IFT52: variants seen among roughly 807,000 people sequenced by gnomAD.
IFT52 encodes the protein intraflagellar transport 52.
IFT52 carries 44 observed loss-of-function variants against 54.4 expected under a neutral mutation model. The ratio of observed to expected loss-of-function variants is 0.81; its 90% CI spans 0.63 to 1.04. The LOEUF (loss-of-function observed/expected upper bound fraction) is 1.04, where lower values mean the gene tolerates loss of function less well. Among genes scored for constraint, IFT52 ranks in the 50% least tolerant of loss-of-function variants. The probability of loss-of-function intolerance (pLI) is 0.00; values close to 1 mark genes in which losing one functional copy is unlikely to be tolerated. For missense variants in IFT52, 452 were observed against 523.6 expected, an observed-to-expected ratio of 0.86 and a Z score of 1.33; for synonymous variants, 181 against 185.3, an observed-to-expected ratio of 0.98 and a Z score of 0.19.
intron 7 of IFT52, among the ~76,000 whole-genome samples, chr20:43,614,809 CTTT>C (rs1037730877): frequency 4.4e-5 from 6 of 134,936 alleles, no homozygotes; most frequent in Non-Finnish European, 4.8e-5. Context: ...CTTTCTTTTT[CTTT>C]TTTTTTTTTT....
At chr20:43,613,520 G>A (rs1022404491) in intron 6 of IFT52, among the ~76,000 whole-genome samples, 1 of 152,108 alleles carries the variant, frequency 6.6e-6, no homozygotes, top group Non-Finnish European at 1.5e-5. Flanking sequence ...CGTGGCACAC[G>A]CCTGTAATCC....
chr20:43,644,863 T>C (rs1986120097), intron 13 of IFT52, among the ~76,000 whole-genome samples: 1 of 56,894 alleles, frequency 1.8e-5, no homozygotes, highest in African/African-American at 5.1e-5. Context: ...TCCCAACACT[T>C]TGGGAGGCTG....
intron 7 of IFT52, among the ~76,000 whole-genome samples, chr20:43,615,105 A>T (rs973656869): frequency 6.6e-6 from 1 of 151,936 alleles, no homozygotes; most frequent in African/African-American, 2.4e-5. Context: ...TCTGTTGCCC[A>T]GGCTGGAGTG....
chr20:43,635,644 A>G (rs1985478433), intron 10 of IFT52, among the ~76,000 whole-genome samples: 2 of 151,968 alleles, frequency 1.3e-5, no homozygotes, highest in African/African-American at 4.8e-5. Context: ...TATGTACCAC[A>G]TTTTCTTTAT....
At chr20:43,595,904 A>G (rs1486624522) in intron 2 of IFT52, among the ~76,000 whole-genome samples, 1 of 152,258 alleles carries the variant, frequency 6.6e-6, no homozygotes, top group Admixed American at 6.5e-5. Flanking sequence ...AATTAAAAAA[A>G]AAATGTCTTT....
At chr20:43,614,481 G>A (rs6073151) in intron 7 of IFT52, among the ~76,000 whole-genome samples, 116,448 of 151,676 alleles carry the variant, frequency 0.77, 44,938 homozygotes, top group East Asian at 0.8. Context: ...CTGCCTCGTG[G>A]TCCACCCGCC....
intron 7 of IFT52, among the ~76,000 whole-genome samples, chr20:43,616,273 A>G (rs1337341733): frequency 6.6e-6 from 1 of 152,120 alleles, no homozygotes; most frequent in Admixed American, 6.6e-5. Flanking sequence ...TTGGGAGGTC[A>G]AGGCGGGCAA....
chr20:43,622,762 TAC>T lies in IFT52; in HGVS notation c.769-1127_769-1126del, dbSNP rs1984420532. ...ATATTTTTATGTAAATATAAATATA[TAC>T]AAATTGTGTGTAAATATAAATATAT... is the stretch of plus-strand genomic sequence containing the variant. On this transcript the variant is annotated intron_variant, in intron 9 of 13. Transcript: ENST00000373030. Among the ~76,000 whole-genome samples the T allele has an allele frequency of 1.3e-4, 7 of 55,092 alleles. 2 individuals carry two copies. Among genetic ancestry groups the T allele is most frequent in the Admixed American group, 4.4e-4 (3 of 6,810 alleles). 36.1% of individuals were successfully genotyped at this position (55,092 alleles called of 152,430 possible).
At position 43,605,297 on chromosome 20, in the gene IFT52, G is replaced by A. The variant is rs570189161; in HGVS notation, c.485+224G>A. On this transcript the variant is annotated intron_variant, in intron 6 of 13. Coordinates refer to ENST00000373030, the MANE Select transcript of IFT52 (RefSeq NM_016004.5). ...ATGGTGGCTCACGCCTGTAATCCTA[G>A]CACTTTTGGGAGGCCGAGGTGGGTG... The A allele has an allele frequency of 1.4e-4, 168 of 1,195,390 alleles. 2 individuals are homozygous for A. In the South Asian group the frequency reaches 2.6e-3, roughly 19 times the overall value. The allele number at this position is 1,195,390 out of a possible 1,614,324, so 74.0% of individuals were successfully genotyped here.
chr20:43,605,237 C>T (rs1982769886), intron 6 of IFT52, 164 bp downstream of exon 6: 21 of 1,413,322 alleles, frequency 1.5e-5, no homozygotes, highest in Non-Finnish European at 1.8e-5. Context: ...GCTCCTCCCC[C>T]TGAAGGTAGT....
intron 10 of IFT52, among the ~76,000 whole-genome samples, chr20:43,631,997 C>G (rs1435943635): frequency 6.6e-6 from 1 of 151,732 alleles, no homozygotes; most frequent in Non-Finnish European, 1.5e-5. Context: ...ACGATCTCCG[C>G]TCACCACAAC....
At chr20:43,594,136 C>T (rs1034805557) in intron 1 of IFT52, among the ~76,000 whole-genome samples, 4 of 151,840 alleles carry the variant, frequency 2.6e-5, no homozygotes, top group Non-Finnish European at 4.4e-5. Flanking sequence ...GGTGAAACCC[C>T]GTCTCTACTG....
intron 10 of IFT52, among the ~76,000 whole-genome samples, chr20:43,632,554 C>T (rs1475487692): frequency 6.6e-6 from 1 of 152,194 alleles, no homozygotes; most frequent in Non-Finnish European, 1.5e-5. Context: ...AGCCCCTGCA[C>T]TCGGCCAGTT....
chr20:43,646,713 T>TA (rs1355566131), intron 13 of IFT52, among the ~76,000 whole-genome samples: 1 of 152,132 alleles, frequency 6.6e-6, no homozygotes, highest in African/African-American at 2.4e-5. Context: ...CTCTGTTTGT[T>TA]ACTCATCATG....
Position 43,604,211 on chromosome 20 carries a change from A to G in IFT52, c.366A>G (p.Lys122=), listed in dbSNP as rs755132633. 6.2e-7 allele frequency: 1 copy of G among 1,610,806 alleles called. No homozygotes were observed. Among genetic ancestry groups the G allele is most frequent in the East Asian group, 2.2e-5 (1 of 44,860 alleles). Reference sequence around the variant, plus strand: ...CTGTGGTTAGAAATGTATATCACAAATATTTCCATCCTAAAGAAGCTCTAG... The same window carrying G: ...CTGTGGTTAGAAATGTATATCACAAGTATTTCCATCCTAAAGAAGCTCTAG... ...NDAVVRNVYH[K]YFHPKEALVS... Residue 122 remains lysine, a synonymous_variant, in exon 5 of 14, where the codon AAA becomes AAG. Transcript: ENST00000373030.
At chr20:43,641,331 G>T (rs769161683) in intron 12 of IFT52, among the ~76,000 whole-genome samples, 3 of 151,596 alleles carry the variant, frequency 2.0e-5, no homozygotes, top group African/African-American at 7.3e-5. Context: ...TCTGCCTCCC[G>T]GGTTCAAGCG....
At chr20:43,591,248 C>T (rs1453813738) in intron 1 of IFT52, among the ~76,000 whole-genome samples, 194 bp downstream of exon 1, 1 of 152,210 alleles carries the variant, frequency 6.6e-6, no homozygotes, top group Non-Finnish European at 1.5e-5. Flanking sequence ...TCCACGGCCT[C>T]GGGTGGTGCA....
In IFT52 at chr20:43,624,060, G is replaced by C; in HGVS notation, c.923+15G>C. The C allele has an allele frequency of 1.9e-6, 3 of 1,612,876 alleles. No homozygotes were observed. Among genetic ancestry groups the C allele is most frequent in the Non-Finnish European group, 2.5e-6 (3 of 1,179,196 alleles). On this transcript the variant is annotated intron_variant, in intron 10 of 13. Coordinates refer to ENST00000373030, the MANE Select transcript of IFT52 (RefSeq NM_016004.5). ...AGCGTCATCGAGTCAGTACCTGTGG[G>C]CCTCTGAGCCACACTGCACTCCATT...
At chr20:43,624,177 A>C (rs1984553214) in intron 10 of IFT52, 132 bp downstream of exon 10, 1 of 981,756 alleles carries the variant, frequency 1.0e-6, no homozygotes, top group South Asian at 1.6e-5. Context: ...ATCTATGATG[A>C]GGTCAACAAA....
Sources: allele counts gnomAD v4.1 joint callset (sites outside exome capture counted in the v4.1 genomes callset), GRCh38; gene constraint gnomAD v4.1.1; transcripts MANE v1.5; gene names NCBI Gene and HGNC (gene_info 2026-07-23, HGNC 2026-07-21).